CDK8: variants seen among roughly 807,000 people sequenced by gnomAD.
CDK8 encodes cyclin dependent kinase 8.
Under a neutral mutation model 71.5 loss-of-function variants are expected in CDK8, and 29 were observed. The observed-to-expected ratio is 0.41, with a 90% CI of 0.30 to 0.55. CDK8 has a LOEUF of 0.55. Among genes scored for constraint, CDK8 ranks in the 20% least tolerant of loss-of-function variants. The probability of loss-of-function intolerance (pLI) is 0.37; values close to 1 mark genes in which losing one functional copy is unlikely to be tolerated. For missense variants in CDK8, 288 were observed against 572.6 expected, an observed-to-expected ratio of 0.50 and a Z score of 5.07; for synonymous variants, 161 against 192.1, an observed-to-expected ratio of 0.84 and a Z score of 1.34.
chr13:26,263,816 G>A (rs1012430293), intron 1 of CDK8, among the ~76,000 whole-genome samples: 11 of 147,724 alleles, frequency 7.4e-5, no homozygotes, highest in Non-Finnish European at 1.3e-4. Flanking sequence ...GCACGATCTC[G>A]GCTCACTGCT....
At chr13:26,345,308 ACT>A (rs1012192319) in intron 2 of CDK8, among the ~76,000 whole-genome samples, 2 of 152,040 alleles carry the variant, frequency 1.3e-5, no homozygotes, top group African/African-American at 2.4e-5. Flanking sequence ...TGAAGTCTTT[ACT>A]CTCAGAGATT....
At chr13:26,329,951 T>C (rs2137961551) in intron 1 of CDK8, among the ~76,000 whole-genome samples, 1 of 152,340 alleles carries the variant, frequency 6.6e-6, no homozygotes, top group East Asian at 1.9e-4. Flanking sequence ...TAGTTTTGTA[T>C]ATACTGTTTC....
intron 1 of CDK8, among the ~76,000 whole-genome samples, chr13:26,330,054 C>T (rs1439574131): frequency 3.9e-5 from 6 of 151,908 alleles, no homozygotes; most frequent in South Asian, 2.1e-4. Flanking sequence ...TGTGTGTGTG[C>T]GTGCCCAAAT....
intron 5 of CDK8, 31 bp from the exon 6 acceptor site, chr13:26,385,180 T>C: frequency 1.3e-6 from 2 of 1,553,466 alleles, no homozygotes; most frequent in Non-Finnish European, 1.8e-6. Flanking sequence ...AATCATTTAC[T>C]TAGCATGATT....
chr13:26,319,784 A>C (rs1461477404), intron 1 of CDK8, among the ~76,000 whole-genome samples: 2 of 152,126 alleles, frequency 1.3e-5, no homozygotes, highest in African/African-American at 4.8e-5. Flanking sequence ...AAAGGAGAAC[A>C]AAACTGTAGG....
rs1876274860 is a variant in CDK8, at chr13:26,401,849, T to TTAAATA, written c.1269+228_1269+229insATATAA. ...GATCAAATACAAATTATGCCATTTATTAACTGTGTGACCTTGGACAAGTAG... is the reference window on the plus strand; with the variant it reads ...GATCAAATACAAATTATGCCATTTATTAAATATAACTGTGTGACCTTGGACAAGTAG... On this transcript the variant is annotated intron_variant, in intron 12 of 12. Transcript: ENST00000381527. This position sits in a 1 kb window ranked among gnomAD's most constrained non-coding sequence, Gnocchi z 4.5. Among the ~76,000 whole-genome samples the TTAAATA allele has an allele frequency of 1.3e-5, 2 of 152,218 alleles. No homozygotes were observed. The highest frequency in any genetic ancestry group is 2.1e-4 in the South Asian group (1 of 4,828).
At chr13:26,330,102 A>C (rs140526525) in intron 1 of CDK8, among the ~76,000 whole-genome samples, 187 of 152,316 alleles carry the variant, frequency 1.2e-3, no homozygotes, top group African/African-American at 4.1e-3. Flanking sequence ...CATGTATATA[A>C]TACATAGTGA....
At chr13:26,291,577 A>G (rs933457975) in intron 1 of CDK8, among the ~76,000 whole-genome samples, 10 of 152,100 alleles carry the variant, frequency 6.6e-5, no homozygotes, top group South Asian at 4.1e-4. Context: ...TCTGGGCCCA[A>G]TTCTCCCTAC....
intron 1 of CDK8, among the ~76,000 whole-genome samples, chr13:26,330,990 A>C (rs1875290475): frequency 6.6e-6 from 1 of 151,974 alleles, no homozygotes; most frequent in African/African-American, 2.4e-5. Context: ...TGGTATTTCG[A>C]TTTTTAGCTT....
At chr13:26,305,084 A>G (rs913689852) in intron 1 of CDK8, among the ~76,000 whole-genome samples, 34 of 152,150 alleles carry the variant, frequency 2.2e-4, no homozygotes, top group African/African-American at 7.5e-4. Flanking sequence ...TTCCTGCATT[A>G]TCATGCTTCC....
intron 1 of CDK8, among the ~76,000 whole-genome samples, chr13:26,270,072 A>G (rs1239353755): frequency 6.6e-6 from 1 of 152,160 alleles, no homozygotes; most frequent in African/African-American, 2.4e-5. Flanking sequence ...TATAATTCAT[A>G]TACCATACAA....
intron 1 of CDK8, among the ~76,000 whole-genome samples, chr13:26,298,272 C>T (rs897045490): frequency 1.3e-5 from 2 of 151,934 alleles, no homozygotes; most frequent in Non-Finnish European, 2.9e-5. Flanking sequence ...GTGGGCAAGC[C>T]TGTACTAAGT....
intron 1 of CDK8, among the ~76,000 whole-genome samples, chr13:26,323,343 GAGGGA>G (rs1874877653): frequency 7.1e-6 from 1 of 141,462 alleles, no homozygotes; most frequent in Non-Finnish European, 1.6e-5. Flanking sequence ...GAGAGAGGGA[GAGGGA>G]GAGGGAGAGG....
intron 9 of CDK8, among the ~76,000 whole-genome samples, chr13:26,397,859 G>A (rs554484476): frequency 2.2e-4 from 34 of 152,220 alleles, no homozygotes; most frequent in South Asian, 1.9e-3. Context: ...TTGTTACAGC[G>A]TAATAATTAA....
At chr13:26,289,153 C>G (rs1280831427) in intron 1 of CDK8, among the ~76,000 whole-genome samples, 2 of 144,608 alleles carry the variant, frequency 1.4e-5, no homozygotes, top group East Asian at 2.2e-4. Flanking sequence ...CTTCCGGGTT[C>G]AAGCAGTTCT....
intron 4 of CDK8, among the ~76,000 whole-genome samples, chr13:26,382,536 T>G (rs1875276181): frequency 6.6e-6 from 1 of 152,086 alleles, no homozygotes; most frequent in Non-Finnish European, 1.5e-5. Flanking sequence ...CATGACTTTG[T>G]GAGATGCTTG....
chr13:26,293,438 A>G (rs1204399724), intron 1 of CDK8, among the ~76,000 whole-genome samples: 1 of 151,920 alleles, frequency 6.6e-6, no homozygotes, highest in African/African-American at 2.4e-5. Flanking sequence ...CCCCATCTCT[A>G]CTAAAATACA....
At chr13:26,301,212 C>CTTTT (rs36054795) in intron 1 of CDK8, among the ~76,000 whole-genome samples, 3 of 92,896 alleles carry the variant, frequency 3.2e-5, no homozygotes, top group Non-Finnish European at 4.2e-5. Context: ...TATCAGTAGA[C>CTTTT]TTTTTTTTTT....
rs749575359 is a variant in CDK8, at chr13:26,393,528, T to A, written c.790+18T>A. 3 of 1,610,778 alleles carry A rather than the reference T, an allele frequency of 1.9e-6. No individual in the cohort carries two copies. In the South Asian group the frequency reaches 3.3e-5, roughly 18 times the overall value. ...TCCTGCAGGTACACATTATTCGTTT[T>A]TGTTTTTGTTTTTAAATCACTGTTG... On this transcript the variant is annotated intron_variant, in intron 7 of 12. Coordinates refer to ENST00000381527, the MANE Select transcript of CDK8 (RefSeq NM_001260.3).
Sources: allele counts gnomAD v4.1 joint callset (sites outside exome capture counted in the v4.1 genomes callset), GRCh38; gene constraint gnomAD v4.1.1; non-coding constraint Gnocchi (gnomAD v3.1); transcripts MANE v1.5; gene names NCBI Gene and HGNC (gene_info 2026-07-23, HGNC 2026-07-21).